ECI2: variants seen among roughly 807,000 people sequenced by gnomAD.
The protein encoded by ECI2 is D3,D2-enoyl-CoA isomerase.
In ECI2, 27 loss-of-function variants were observed where a neutral mutation model predicts 38.4. The observed-to-expected ratio is 0.70, with a 90% CI of 0.52 to 0.97. The LOEUF is 0.97. ECI2 is among the 50% of genes least tolerant of loss of function. The pLI is 0.00. For synonymous variants in ECI2, 168 were observed against 172.0 expected (o/e 0.98, Z 0.18); for missense variants, 470 against 474.4 (o/e 0.99, Z 0.09).
intron 1 of ECI2, among the ~76,000 whole-genome samples, chr6:4,134,139 A>C (rs561072719): frequency 6.6e-6 from 1 of 152,252 alleles, no homozygotes; most frequent in Non-Finnish European, 1.5e-5. Flanking sequence ...GCCATAAGCT[A>C]TATCAGGTCA....
At position 4,115,981 on chromosome 6, in the gene ECI2, GTTT is replaced by G. The variant is rs1325426061; in HGVS notation, c.1075_1077del (p.Lys359del). 6.2e-7 allele frequency: 1 copy of G among 1,613,954 alleles called. No homozygotes were observed. The highest frequency in any genetic ancestry group is 8.5e-7 in the Non-Finnish European group (1 of 1,180,024). On this transcript the variant is annotated inframe_deletion, in exon 10 of 10. Transcript: ENST00000380118. ...CATTCTTCAGCATTAACAGCGTGTA[GTTT>G]TTCTCTCTCTCTTTTCCTGATTACC...
intron 4 of ECI2, among the ~76,000 whole-genome samples, chr6:4,128,978 G>A (rs1321295165): frequency 6.6e-6 from 1 of 152,130 alleles, no homozygotes; most frequent in Non-Finnish European, 1.5e-5. Context: ...TTATAGTTAT[G>A]ATAACACCAC....
At chr6:4,125,468 G>A in intron 6 of ECI2, 98 bp from the exon 7 acceptor site, 1 of 1,540,838 alleles carries the variant, frequency 6.5e-7, no homozygotes, top group African/African-American at 1.4e-5. Context: ...CTTCTGTCAG[G>A]CTGGGTGTTT....
rs754622931 is a variant in ECI2 at position 4,135,526 on chromosome 6, C to T, written c.35G>A (p.Arg12Gln). 3.1e-5 allele frequency: 49 copies of T among 1,600,976 alleles called. No individual in the cohort carries two copies. Among genetic ancestry groups the T allele is most frequent in the Non-Finnish European group, 4.1e-5 (48 of 1,172,740 alleles). ...CCAAGCTTACCTCGGACACGAACGC[C>T]GCGCCAGTCTCCAAGCCAAGTACGC... ...AMAYLAWRLA[R>Q]RSCPSSLQVT... The change falls in exon 1 of 10, where the codon CGG (arginine) becomes CAG (glutamine). Residue 12 changes from arginine (R) to glutamine (Q), a missense_variant. Coordinates refer to ENST00000380118, the MANE Select transcript of ECI2 (RefSeq NM_206836.3).
Position 4,115,903 on chromosome 6 carries a change from TC to T in ECI2, c.1155del (p.Asn386ThrfsTer28). On this transcript the variant is annotated frameshift_variant, in exon 10 of 10. Transcript: ENST00000380118. LOFTEE classifies it high-confidence loss of function. ...WLSDECTNAV[V>X]NFLSRKSKL ...AGTTTTGATTTTCTGGATAAGAAGT[TC>T]ACCACAGCATTTGTGCATTCATCTG... 1 of 1,613,950 alleles carries T rather than the reference TC, an allele frequency of 6.2e-7. No homozygotes were observed. Among genetic ancestry groups the T allele is most frequent in the Non-Finnish European group, 8.5e-7 (1 of 1,179,914 alleles).
At chr6:4,128,918 G>A (rs1389880498) in intron 4 of ECI2, among the ~76,000 whole-genome samples, 4 of 152,058 alleles carry the variant, frequency 2.6e-5, no homozygotes, top group Non-Finnish European at 4.4e-5. Flanking sequence ...ATGAATAAGC[G>A]TTTAAGCATT....
At chr6:4,124,461 C>T (rs1325980544) in intron 7 of ECI2, among the ~76,000 whole-genome samples, 1 of 152,202 alleles carries the variant, frequency 6.6e-6, no homozygotes, top group African/African-American at 2.4e-5. Flanking sequence ...TTTACCATCA[C>T]ATAAGCATAA....
chr6:4,127,734 A>C, intron 5 of ECI2, 28 bp downstream of exon 5: 1 of 1,603,126 alleles, frequency 6.2e-7, no homozygotes. Context: ...ATAGAAATTT[A>C]ATTAGGATGC....
rs544926551 is a variant in ECI2 at position 4,125,855 on chromosome 6, C to G, written c.674+280G>C. ...CTGGATGAGAATTTGCTAAATTCCT[C>G]TGCCTCAGTGCAAGATAATTTTGTT... On this transcript the variant is annotated intron_variant, in intron 6 of 9. Coordinates refer to ENST00000380118, the MANE Select transcript of ECI2 (RefSeq NM_206836.3). 4.4e-3 allele frequency: 2,297 copies of G among 527,768 alleles called. 14 individuals are homozygous for G. The highest frequency in any genetic ancestry group is 4.9e-3 in the Non-Finnish European group (1,419 of 287,380). 32.7% of individuals were successfully genotyped at this position (527,768 alleles called of 1,614,324 possible).
intron 1 of ECI2, 174 bp downstream of exon 1, chr6:4,135,337 G>C: frequency 6.8e-7 from 1 of 1,471,006 alleles, no homozygotes; most frequent in Non-Finnish European, 9.0e-7. Context: ...GGTGCAGGAG[G>C]GCGCGCGTGA....
At position 4,127,244 on chromosome 6, in the gene ECI2, A is replaced by C. The variant is rs1243329212; in HGVS notation, c.571+518T>G. The stretch of plus-strand genomic sequence containing the variant: ...TTGTTTTCTGGTTTTGGCCGTTATA[A>C]ATCAGGTTACCATGTCTGCTCCTGT... On this transcript the variant is annotated intron_variant, in intron 5 of 9. Transcript: ENST00000380118. Among the ~76,000 whole-genome samples, 3 of 152,124 alleles carry C rather than the reference A, an allele frequency of 2.0e-5. No homozygotes were observed. The East Asian group carries it at 5.8e-4, about 29-fold the overall frequency.
chr6:4,127,634 C>T (rs1773255748), intron 5 of ECI2, 128 bp downstream of exon 5: 1 of 831,520 alleles, frequency 1.2e-6, no homozygotes, highest in East Asian at 2.7e-5. Flanking sequence ...AGGCTCATCT[C>T]AAACTCCTGA....
intron 2 of ECI2, among the ~76,000 whole-genome samples, chr6:4,133,125 T>G (rs1773570071): frequency 6.6e-6 from 1 of 152,158 alleles, no homozygotes; most frequent in African/African-American, 2.4e-5. Context: ...TTCACCCCTA[T>G]ATCCTTAGTA....
intron 7 of ECI2, 48 bp from the exon 8 acceptor site, chr6:4,119,323 T>G: frequency 3.2e-6 from 4 of 1,249,306 alleles, no homozygotes; most frequent in Non-Finnish European, 4.4e-6. Context: ...TGTGTGATTT[T>G]TTTTTTTTTT....
At chr6:4,125,468 G>C in intron 6 of ECI2, 98 bp from the exon 7 acceptor site, 1 of 1,540,838 alleles carries the variant, frequency 6.5e-7, no homozygotes, top group South Asian at 1.2e-5. Context: ...CTTCTGTCAG[G>C]CTGGGTGTTT....
At position 4,126,370 on chromosome 6, in the gene ECI2, C is replaced by A. The variant is rs1422135371; in HGVS notation, c.572-133G>T. ...GAGCAATGGTTCCTGCCCTAACTTA[C>A]AAACTAGTGAGTACGCTGGACACTG... On this transcript the variant is annotated intron_variant, in intron 5 of 9. Transcript: ENST00000380118. 8 of 688,694 alleles carry A rather than the reference C, an allele frequency of 1.2e-5. No individual in the cohort carries two copies. In the East Asian group the frequency reaches 1.9e-4, roughly 16 times the overall value. The allele number at this position is 688,694 out of a possible 1,614,324, so 42.7% of individuals were successfully genotyped here.
At chr6:4,121,574 G>T (rs1428161497) in intron 7 of ECI2, among the ~76,000 whole-genome samples, 1 of 151,944 alleles carries the variant, frequency 6.6e-6, no homozygotes, top group Non-Finnish European at 1.5e-5. Context: ...TGTTACATGA[G>T]TTGAAAAATT....
At chr6:4,130,718 A>G (rs1456744620) in intron 3 of ECI2, 49 bp downstream of exon 3, 1 of 1,609,336 alleles carries the variant, frequency 6.2e-7, no homozygotes, top group African/African-American at 1.3e-5. Context: ...AGAAGCACAA[A>G]CTTCTTTAGA....
rs903673993 is a variant in ECI2 at position 4,115,818 on chromosome 6, A to G, written c.*56T>C. On this transcript the variant is annotated 3_prime_UTR_variant, in exon 10 of 10. Transcript: ENST00000380118. ...AGCTTATTTAGTTCCAGTACTGGAA[A>G]TCAGAGGTAACAGCACATCCTTCCT... 4.5e-6 allele frequency: 7 copies of G among 1,561,648 alleles called. No homozygotes were observed. Among genetic ancestry groups the G allele is most frequent in the Non-Finnish European group, 6.1e-6 (7 of 1,155,470 alleles).
Sources: allele counts gnomAD v4.1 joint callset (sites outside exome capture counted in the v4.1 genomes callset), GRCh38; gene constraint gnomAD v4.1.1; transcripts MANE v1.5; gene names NCBI Gene and HGNC (gene_info 2026-07-23, HGNC 2026-07-21).